The following FAM78B variants were observed in gnomAD, a reference collection of about 807,000 sequenced individuals.
FAM78B encodes the protein family with sequence similarity 78 member B.
FAM78B carries 10 observed loss-of-function variants against 20.0 expected under a neutral mutation model. That is an observed-to-expected ratio of 0.50 (90% CI 0.31 to 0.85). The LOEUF is 0.85. Among genes scored for constraint, FAM78B ranks in the 40% least tolerant of loss-of-function variants. The pLI, the probability that FAM78B is intolerant of heterozygous loss-of-function variation, is 0.05. For synonymous variants in FAM78B, 135 were observed against 132.8 expected (o/e 1.02, Z -0.12); for missense variants, 283 against 345.0 (o/e 0.82, Z 1.42).
chr1:166,124,557 C>T (rs1654574243), intron 1 of FAM78B, among the ~76,000 whole-genome samples: 1 of 152,142 alleles, frequency 6.6e-6, no homozygotes, highest in African/African-American at 2.4e-5. Flanking sequence ...TGCCTGAGAT[C>T]ACAGAGTTAT....
chr1:166,140,920 G>A (rs1160748138), intron 1 of FAM78B, among the ~76,000 whole-genome samples: 1 of 152,184 alleles, frequency 6.6e-6, no homozygotes, highest in African/African-American at 2.4e-5. Flanking sequence ...TATCATTAGT[G>A]CTCAGAGGAA....
chr1:166,103,399 A>G (rs528252036), intron 1 of FAM78B, among the ~76,000 whole-genome samples: 14 of 152,324 alleles, frequency 9.2e-5, no homozygotes, highest in Middle Eastern at 3.4e-3. Context: ...CCTTCAAAAA[A>G]TCAATGAATC....
Position 166,128,841 on chromosome 1 carries a change from G to A in FAM78B, c.263+37145C>T, listed in dbSNP as rs563426123. On this transcript the variant is annotated intron_variant, in intron 1 of 1. Coordinates refer to ENST00000354422, the MANE Select transcript of FAM78B (RefSeq NM_001017961.5). ...ATTAATGACTAAATATGTATGCAGG[G>A]TAGAAGATAGATGAGTGTCCTGGGA... 2.6e-5 allele frequency among the ~76,000 whole-genome samples: 4 copies of A among 152,306 alleles called. No homozygotes were observed. In the East Asian group the frequency reaches 7.7e-4, roughly 29 times the overall value.
At chr1:166,087,452 C>G (rs1368638692) in intron 1 of FAM78B, 1 of 152,166 alleles carries the variant, frequency 6.6e-6, no homozygotes, top group East Asian at 1.9e-4. Flanking sequence ...GATTCTCACC[C>G]TAACAGATAC....
chr1:166,166,435 T>C lies in FAM78B; in HGVS notation c.-187A>G, dbSNP rs1656393428. ...CCCCTCCTCTTGCAGCCGCGCGGGGTCCCCGCTGCCCCGACGTCCGCCCAC... is the reference window on the plus strand; with the variant it reads ...CCCCTCCTCTTGCAGCCGCGCGGGGCCCCCGCTGCCCCGACGTCCGCCCAC... On this transcript the variant is annotated 5_prime_UTR_variant, in exon 1 of 2. Coordinates refer to ENST00000354422, the MANE Select transcript of FAM78B (RefSeq NM_001017961.5). 1 of 312,726 alleles carries C rather than the reference T, an allele frequency of 3.2e-6. No individual in the cohort carries two copies. The allele number at this position is 312,726 out of a possible 1,614,324, so 19.4% of individuals were successfully genotyped here. A position where few individuals can be genotyped will look rare whatever the true frequency, so the allele number is the denominator to read the frequency against.
intron 1 of FAM78B, among the ~76,000 whole-genome samples, chr1:166,092,561 G>C (rs1000807357): frequency 1.3e-5 from 2 of 152,146 alleles, no homozygotes; most frequent in African/African-American, 4.8e-5. Context: ...GCTTCCTTAA[G>C]CCTGATCTTG....
chr1:166,120,097 G>A (rs548792855), intron 1 of FAM78B, among the ~76,000 whole-genome samples: 2 of 152,314 alleles, frequency 1.3e-5, no homozygotes, highest in Non-Finnish European at 2.9e-5. Flanking sequence ...GTGGGCTGCC[G>A]AGAATCAAAG....
At chr1:166,154,623 A>G in intron 1 of FAM78B, 1 of 459,374 alleles carries the variant, frequency 2.2e-6, no homozygotes. Context: ...CTGGACCCTC[A>G]GCAAACCTGG....
chr1:166,133,525 G>T (rs1356284914), intron 1 of FAM78B, among the ~76,000 whole-genome samples: 1 of 145,492 alleles, frequency 6.9e-6, no homozygotes, highest in African/African-American at 2.5e-5. Context: ...CCACAAATGT[G>T]TAACTGTTAA....
intron 1 of FAM78B, among the ~76,000 whole-genome samples, chr1:166,094,874 T>TA (rs1369823934): frequency 6.6e-6 from 1 of 152,226 alleles, no homozygotes; most frequent in Non-Finnish European, 1.5e-5. Flanking sequence ...CTGGAGGGTT[T>TA]AGAGCATGCT....
intron 1 of FAM78B, among the ~76,000 whole-genome samples, chr1:166,084,237 A>ACACACACACACACACACACACACT (rs771421402): frequency 2.2e-4 from 27 of 125,470 alleles, no homozygotes; most frequent in African/African-American, 7.0e-4. Context: ...ACACACACAC[A>ACACACACACACACACACACACACT]CTCTCTCTCT....
Position 166,144,802 on chromosome 1 carries a change from G to C in FAM78B, c.263+21184C>G, listed in dbSNP as rs921600547. 3.3e-5 allele frequency among the ~76,000 whole-genome samples: 5 copies of C among 152,088 alleles called. No homozygotes were observed. In the South Asian group the frequency reaches 6.2e-4, roughly 19 times the overall value. On this transcript the variant is annotated intron_variant, in intron 1 of 1. Transcript: ENST00000354422. ...GTATAGAGCCCACAAAAGAAGGAGA[G>C]ACCTGCCACTTAAACCCCCTTTCTG...
rs1168423999 is a variant in FAM78B, at chr1:166,141,727, AC to A, written c.263+24258del. ...GCTGACTGATAGATAAGTGGCAGTT[AC>A]CTCTGGTGGCTACCCAATGCACAGT... On this transcript the variant is annotated intron_variant, in intron 1 of 1. Coordinates refer to ENST00000354422, the MANE Select transcript of FAM78B (RefSeq NM_001017961.5). 2.6e-5 allele frequency among the ~76,000 whole-genome samples: 4 copies of A among 152,284 alleles called. No individual in the cohort carries two copies. In the East Asian group the frequency reaches 7.7e-4, roughly 29 times the overall value.
downstream of FAM78B, among the ~76,000 whole-genome samples, chr1:166,065,884 G>A (rs1044182120): frequency 6.6e-6 from 1 of 152,182 alleles, no homozygotes; most frequent in African/African-American, 2.4e-5. Context: ...TTGGGTTTTT[G>A]ATTAATTTTC....
chr1:166,073,506 A>G lies in FAM78B; in HGVS notation c.264-2743T>C, dbSNP rs151233332. Reference sequence around the variant, plus strand: ...TGACCTTCCCTTCTTCCCTCTCTCTATCTCTCGCTCCCTTCCTTTCTCTTT... The same window carrying G: ...TGACCTTCCCTTCTTCCCTCTCTCTGTCTCTCGCTCCCTTCCTTTCTCTTT... On this transcript the variant is annotated intron_variant, in intron 1 of 1. Coordinates refer to ENST00000354422, the MANE Select transcript of FAM78B (RefSeq NM_001017961.5). Among the ~76,000 whole-genome samples the G allele has an allele frequency of 2.0e-5, 3 of 147,632 alleles. No homozygotes were observed. In the South Asian group the frequency reaches 6.5e-4, roughly 32 times the overall value.
chr1:166,071,998 G>A (rs1652049919), intron 1 of FAM78B, among the ~76,000 whole-genome samples: 1 of 152,188 alleles, frequency 6.6e-6, no homozygotes, highest in Admixed American at 6.5e-5. Flanking sequence ...GGGTACCAGG[G>A]ATGATGCTTG....
At chr1:166,138,673 A>G (rs1655165411) in intron 1 of FAM78B, among the ~76,000 whole-genome samples, 2 of 152,228 alleles carry the variant, frequency 1.3e-5, no homozygotes, top group South Asian at 4.1e-4. Context: ...TCCTGAACAC[A>G]AAGAGCTCAA....
intron 1 of FAM78B, chr1:166,147,730 C>T (rs1655515878): frequency 6.6e-6 from 1 of 152,098 alleles, no homozygotes; most frequent in Non-Finnish European, 1.5e-5. Context: ...CTCCTGGGCT[C>T]AAGCAATCCT....
chr1:166,089,409 T>C (rs765378833), intron 1 of FAM78B, among the ~76,000 whole-genome samples: 1 of 152,002 alleles, frequency 6.6e-6, no homozygotes, highest in Non-Finnish European at 1.5e-5. Context: ...ATGAAACAGG[T>C]AGCGACAAGG....
Sources: gnomAD v4.1 joint callset for allele counts (sites outside exome capture counted in the v4.1 genomes callset) on GRCh38, gnomAD v4.1.1 for gene constraint, MANE v1.5 for transcripts, NCBI Gene and HGNC (gene_info 2026-07-23, HGNC 2026-07-21) for gene names.